The following DAB2IP variants were observed in gnomAD, a reference collection of about 807,000 sequenced individuals.
DAB2IP encodes DAB2 interacting protein.
A neutral mutation model predicts 107.2 loss-of-function variants in DAB2IP; 28 were observed. The ratio of observed to expected loss-of-function variants is 0.26; its 90% confidence interval spans 0.19 to 0.36. DAB2IP has a LOEUF of 0.36. DAB2IP is among the 10% of genes least tolerant of loss of function. The probability of loss-of-function intolerance (pLI) is 1.00; values close to 1 mark genes in which losing one functional copy is unlikely to be tolerated. For missense variants in DAB2IP, 1,400 were observed against 1,644.7 expected (o/e 0.85, Z 2.57); for synonymous variants, 755 against 706.4 (o/e 1.07, Z -1.09).
intron 3 of DAB2IP, among the ~76,000 whole-genome samples, chr9:121,735,596 C>T (rs1038083170): frequency 3.3e-5 from 5 of 152,188 alleles, no homozygotes; most frequent in Admixed American, 1.3e-4. Context: ...CTTGTTCTCC[C>T]ACTGGCTTCT....
chr9:121,680,902 C>G (rs920011501), intron 2 of DAB2IP, among the ~76,000 whole-genome samples: 5 of 152,024 alleles, frequency 3.3e-5, no homozygotes, highest in Non-Finnish European at 5.9e-5. Context: ...GCCACCACCC[C>G]CAGCTATTTT....
At chr9:121,767,243 G>A (rs987658538) in intron 9 of DAB2IP, among the ~76,000 whole-genome samples, 3 of 152,220 alleles carry the variant, frequency 2.0e-5, no homozygotes, top group Non-Finnish European at 2.9e-5. Context: ...TAGAAGGGCT[G>A]GGTCGTCTCA....
rs1188955118 is a variant in DAB2IP at position 121,699,023 on chromosome 9, G to A, written c.229-302G>A. On this transcript the variant is annotated intron_variant, in intron 2 of 15. Coordinates refer to ENST00000408936, the Ensembl canonical transcript of DAB2IP. This position sits in a 1 kb window ranked among gnomAD's most constrained non-coding sequence, Gnocchi z 6.2. ...TCCCCCTCGCCCCGGCGCCCGGGGG[G>A]CTCGGGCAGCCTCGGCCGCGGTCGG... 7.3e-5 allele frequency among the ~76,000 whole-genome samples: 11 copies of A among 150,988 alleles called. No homozygotes were observed. The highest frequency in any genetic ancestry group is 1.6e-4 in the Non-Finnish European group (11 of 67,636).
intron 14 of DAB2IP, among the ~76,000 whole-genome samples, chr9:121,777,107 G>A (rs926993440): frequency 2.6e-5 from 4 of 152,114 alleles, no homozygotes; most frequent in African/African-American, 9.7e-5. Flanking sequence ...TGTCAGGCAG[G>A]GAGTACAATC....
chr9:121,752,102 T>C (rs1270734944), intron 3 of DAB2IP: 4 of 889,974 alleles, frequency 4.5e-6, no homozygotes, highest in Non-Finnish European at 4.0e-6. Flanking sequence ...ATGAGCCTCC[T>C]AACCTTGAGA....
At chr9:121,587,827 A>G (rs1830340581) in intron 1 of DAB2IP, among the ~76,000 whole-genome samples, 1 of 152,084 alleles carries the variant, frequency 6.6e-6, no homozygotes, top group Non-Finnish European at 1.5e-5. Context: ...AAAAGGGGAT[A>G]AAAAATGGGT....
Position 121,773,578 on chromosome 9 carries a change from G to A in DAB2IP, c.2967+83G>A, listed in dbSNP as rs908993090. ...TACCCCATACCATGCTCCTCCTCTC[G>A]GTCATTTCACCTCCACCCTCACCCA... On this transcript the variant is annotated intron_variant, in intron 12 of 15. Transcript: ENST00000408936. 18 of 1,328,540 alleles carry A rather than the reference G, an allele frequency of 1.4e-5. No individual in the cohort carries two copies. In the African/African-American group the frequency reaches 1.5e-4, roughly 11 times the overall value. 82.3% of individuals were successfully genotyped at this position (1,328,540 alleles called of 1,614,324 possible).
At chr9:121,603,664 G>T (rs969699222) in intron 1 of DAB2IP, among the ~76,000 whole-genome samples, 6 of 152,198 alleles carry the variant, frequency 3.9e-5, no homozygotes, top group Non-Finnish European at 7.3e-5. Flanking sequence ...GAAGCTTGAA[G>T]ACCTGGGCCA....
chr9:121,643,486 C>T (rs960836739), intron 1 of DAB2IP, among the ~76,000 whole-genome samples: 1 of 152,066 alleles, frequency 6.6e-6, no homozygotes, highest in African/African-American at 2.4e-5. Context: ...TCACCCCTCA[C>T]ATAGCCTGCT....
At chr9:121,783,794 A>G (rs776042839) in exon 16 of DAB2IP, 49 of 584,932 alleles carry the variant, frequency 8.4e-5, no homozygotes, top group Non-Finnish European at 1.3e-4. Flanking sequence ...CCTCAGCTCT[A>G]GGCTGTTCTG....
chr9:121,674,757 T>C (rs2119125673), intron 1 of DAB2IP, among the ~76,000 whole-genome samples: 1 of 152,060 alleles, frequency 6.6e-6, no homozygotes, highest in East Asian at 1.9e-4. Context: ...TCAGTGTTGG[T>C]CTCAGTGGAA....
Position 121,599,303 on chromosome 9 carries a change from A to G in DAB2IP, c.40+32075A>G, listed in dbSNP as rs1830609629. Among the ~76,000 whole-genome samples, 1 of 152,032 alleles carries G rather than the reference A, an allele frequency of 6.6e-6. No individual in the cohort carries two copies. Among genetic ancestry groups the G allele is most frequent in the Admixed American group, 6.5e-5 (1 of 15,288 alleles). Reference sequence around the variant, plus strand: ...GGAGGGGGCGTGTGGTCCCGCCGGCATCTCGGGCCGGCACCAGGCTGGGGA... The same window carrying G: ...GGAGGGGGCGTGTGGTCCCGCCGGCGTCTCGGGCCGGCACCAGGCTGGGGA... On this transcript the variant is annotated intron_variant, in intron 1 of 16. Coordinates refer to the DAB2IP transcript ENST00000259371. The surrounding 1 kb of genome is among the most constrained non-coding windows in gnomAD (Gnocchi z 6.9).
At chr9:121,641,995 T>TTC (rs71370683) in intron 1 of DAB2IP, among the ~76,000 whole-genome samples, 549 of 34,918 alleles carry the variant, frequency 0.016, 19 homozygotes, top group Admixed American at 0.024. Flanking sequence ...TTTCTTTCCT[T>TTC]TCTCTCTCTC....
chr9:121,708,039 C>A (rs1830148552), intron 3 of DAB2IP, among the ~76,000 whole-genome samples: 1 of 152,194 alleles, frequency 6.6e-6, no homozygotes, highest in Admixed American at 6.5e-5. Flanking sequence ...AATGCAGATT[C>A]TTGGACTCCA....
At chr9:121,721,601 T>C (rs147852277) in intron 3 of DAB2IP, among the ~76,000 whole-genome samples, 3 of 152,338 alleles carry the variant, frequency 2.0e-5, no homozygotes, top group Non-Finnish European at 4.4e-5. Context: ...CCTTTGGATT[T>C]ATAAGAGAAG....
intron 1 of DAB2IP, among the ~76,000 whole-genome samples, chr9:121,657,464 C>A (rs1217362951): frequency 2.0e-5 from 3 of 152,346 alleles, no homozygotes; most frequent in Non-Finnish European, 4.4e-5. Context: ...AAGAGCTCCC[C>A]CTGATTACCT....
At chr9:121,572,757 T>C (rs1421808345) in intron 1 of DAB2IP, among the ~76,000 whole-genome samples, 1 of 152,030 alleles carries the variant, frequency 6.6e-6, no homozygotes, top group African/African-American at 2.4e-5. Context: ...TGGACACCTG[T>C]CAGGGGAGTC....
At chr9:121,757,703 A>C (rs1004863568) in intron 4 of DAB2IP, among the ~76,000 whole-genome samples, 5 of 151,830 alleles carry the variant, frequency 3.3e-5, no homozygotes, top group Admixed American at 6.5e-5. Context: ...GAGAAGGCAC[A>C]AAGACATCAG....
chr9:121,590,108 A>C (rs116976328), intron 1 of DAB2IP, among the ~76,000 whole-genome samples: 3 of 151,914 alleles, frequency 2.0e-5, no homozygotes, highest in Non-Finnish European at 4.4e-5. Flanking sequence ...CCTGTTCAGT[A>C]TCACCTGGTC....
Sources: allele counts gnomAD v4.1 joint callset (sites outside exome capture counted in the v4.1 genomes callset), GRCh38; gene constraint gnomAD v4.1.1; non-coding constraint Gnocchi (gnomAD v3.1); transcripts MANE v1.5; gene names NCBI Gene and HGNC (gene_info 2026-07-23, HGNC 2026-07-21).